Variants in PRKCE observed in about 807,000 individuals in gnomAD.
PRKCE encodes the protein protein kinase C epsilon.
PRKCE carries 16 observed loss-of-function variants against 85.4 expected under a neutral mutation model. The ratio of observed to expected loss-of-function variants is 0.19; its 90% CI spans 0.13 to 0.28. The LOEUF (loss-of-function observed/expected upper bound fraction) is 0.28, where lower values mean the gene tolerates loss of function less well. PRKCE is among the 10% of genes least tolerant of loss of function. The pLI is 1.00. For missense variants in PRKCE, 573 were observed against 975.2 expected, an observed-to-expected ratio of 0.59 and a Z score of 5.49; for synonymous variants, 388 against 371.5, an observed-to-expected ratio of 1.04 and a Z score of -0.51.
At chr2:45,696,737 G>A (rs538853472) in intron 1 of PRKCE, among the ~76,000 whole-genome samples, 6 of 152,208 alleles carry the variant, frequency 3.9e-5, no homozygotes, top group Non-Finnish European at 5.9e-5. Flanking sequence ...AGTTGAGAAT[G>A]CTGATTGTCA....
chr2:45,741,013 T>C (rs1165954771), intron 1 of PRKCE, among the ~76,000 whole-genome samples: 1 of 152,256 alleles, frequency 6.6e-6, no homozygotes, highest in East Asian at 1.9e-4. Flanking sequence ...GCAAACACTT[T>C]TATTTTTTCT....
At chr2:46,067,955 TGC>T (rs1667764592) in intron 10 of PRKCE, among the ~76,000 whole-genome samples, 1 of 152,170 alleles carries the variant, frequency 6.6e-6, no homozygotes, top group African/African-American at 2.4e-5. Context: ...TGCAAGAGAA[TGC>T]ACATTTTTTA....
chr2:45,825,510 A>G (rs1573506886), intron 1 of PRKCE, among the ~76,000 whole-genome samples: 1 of 152,226 alleles, frequency 6.6e-6, no homozygotes, highest in East Asian at 1.9e-4. Context: ...TTTCCCCACC[A>G]CACAAACCTC....
intron 6 of PRKCE, among the ~76,000 whole-genome samples, chr2:45,993,958 A>G (rs1704018915): frequency 6.6e-6 from 1 of 151,810 alleles, no homozygotes; most frequent in Admixed American, 6.6e-5. Flanking sequence ...CCCCACCTTT[A>G]GCCCAATGGG....
chr2:45,946,553 G>C (rs1305640830), intron 2 of PRKCE, among the ~76,000 whole-genome samples: 1 of 152,186 alleles, frequency 6.6e-6, no homozygotes, highest in Admixed American at 6.5e-5. Context: ...GTCAACGATG[G>C]TGAGAATCCC....
intron 2 of PRKCE, among the ~76,000 whole-genome samples, chr2:45,883,114 G>A (rs905373952): frequency 6.6e-6 from 1 of 152,206 alleles, no homozygotes; most frequent in Non-Finnish European, 1.5e-5. Flanking sequence ...CTTCTTTGAG[G>A]TACTGACTCT....
chr2:45,799,781 T>A (rs1386944935), intron 1 of PRKCE, among the ~76,000 whole-genome samples: 4 of 152,140 alleles, frequency 2.6e-5, no homozygotes, highest in Non-Finnish European at 5.9e-5. Flanking sequence ...AGGAGAAGAT[T>A]CCATTTCTTC....
chr2:45,840,811 T>C (rs1359206295), intron 1 of PRKCE, among the ~76,000 whole-genome samples: 2 of 151,884 alleles, frequency 1.3e-5, no homozygotes, highest in Admixed American at 1.3e-4. Flanking sequence ...GTTGGGAGAG[T>C]TTGGAGAACA....
At chr2:45,767,983 C>G (rs1573271951) in intron 1 of PRKCE, among the ~76,000 whole-genome samples, 1 of 152,196 alleles carries the variant, frequency 6.6e-6, no homozygotes, top group Non-Finnish European at 1.5e-5. Context: ...AACTCAAGTG[C>G]TGAGCTTCCA....
At chr2:45,677,295 G>A (rs888684496) in intron 1 of PRKCE, among the ~76,000 whole-genome samples, 2 of 151,282 alleles carry the variant, frequency 1.3e-5, no homozygotes, top group Non-Finnish European at 2.9e-5. Flanking sequence ...GCTTTATTCT[G>A]AGGGTTATGG....
intron 2 of PRKCE, 40 bp downstream of exon 2, chr2:45,843,103 G>A: frequency 6.3e-7 from 1 of 1,580,024 alleles, no homozygotes. Context: ...TTCTTCCATT[G>A]GCCCTTTGCC....
intron 1 of PRKCE, among the ~76,000 whole-genome samples, chr2:45,721,093 C>G (rs940227216): frequency 3.3e-5 from 5 of 152,058 alleles, no homozygotes; most frequent in African/African-American, 7.2e-5. Context: ...GGCGACACAG[C>G]GAGACTCCAT....
At chr2:45,693,654 C>T (rs1333527801) in intron 1 of PRKCE, among the ~76,000 whole-genome samples, 1 of 152,104 alleles carries the variant, frequency 6.6e-6, no homozygotes, top group Admixed American at 6.5e-5. Context: ...AGAGGCTGGT[C>T]TCAAGAAAAC....
At chr2:45,975,396 C>A (rs555441902) in intron 2 of PRKCE, among the ~76,000 whole-genome samples, 2 of 152,148 alleles carry the variant, frequency 1.3e-5, no homozygotes, top group African/African-American at 2.4e-5. Flanking sequence ...GGTGGACATC[C>A]AAGATCAGGG....
At chr2:46,131,521 C>T (rs1341469983) in intron 11 of PRKCE, among the ~76,000 whole-genome samples, 1 of 152,182 alleles carries the variant, frequency 6.6e-6, no homozygotes, top group Non-Finnish European at 1.5e-5. Context: ...AGAGTATGGG[C>T]ACCCCTTCTG....
At chr2:45,784,301 A>G (rs2105029388) in intron 1 of PRKCE, among the ~76,000 whole-genome samples, 1 of 152,358 alleles carries the variant, frequency 6.6e-6, no homozygotes, top group South Asian at 2.1e-4. Flanking sequence ...AGTGTTGACA[A>G]GGCCCCTGTA....
At chr2:45,750,030 T>C (rs1225946086) in intron 1 of PRKCE, among the ~76,000 whole-genome samples, 6 of 152,228 alleles carry the variant, frequency 3.9e-5, no homozygotes, top group African/African-American at 1.4e-4. Context: ...ATGGTTGATT[T>C]TTCTAGGCTC....
chr2:45,939,096 G>A (rs373143644), intron 2 of PRKCE, among the ~76,000 whole-genome samples: 25 of 152,226 alleles, frequency 1.6e-4, no homozygotes, highest in Non-Finnish European at 2.2e-4. Context: ...AAATCTCCCC[G>A]TTGTTTCTTC....
chr2:45,869,704 C>CACT, intron 2 of PRKCE, among the ~76,000 whole-genome samples: 1 of 116,894 alleles, frequency 8.6e-6, no homozygotes, highest in Admixed American at 1.1e-4. Flanking sequence ...GTTTCTCTCT[C>CACT]TCTTTTTTTT....
Sources: allele counts gnomAD v4.1 joint callset (sites outside exome capture counted in the v4.1 genomes callset), GRCh38; gene constraint gnomAD v4.1.1; transcripts MANE v1.5; gene names NCBI Gene and HGNC (gene_info 2026-07-23, HGNC 2026-07-21).